CAMKMT: variants seen among roughly 807,000 people sequenced by gnomAD.
CAMKMT encodes CaM KMT.
Under a neutral mutation model 48.0 loss-of-function variants are expected in CAMKMT, and 53 were observed. The ratio of observed to expected loss-of-function variants is 1.10; its 90% CI spans 0.89 to 1.39. The LOEUF (loss-of-function observed/expected upper bound fraction) is 1.39. CAMKMT is among the 40% of genes most tolerant of loss of function. The pLI, the probability that CAMKMT is intolerant of heterozygous loss-of-function variation, is 0.00. For missense variants in CAMKMT, 428 were observed against 402.7 expected (o/e 1.06, Z -0.54); for synonymous variants, 165 against 152.3 (o/e 1.08, Z -0.61).
At chr2:44,385,197 G>A (rs564787829) in intron 2 of CAMKMT, among the ~76,000 whole-genome samples, 3 of 151,680 alleles carry the variant, frequency 2.0e-5, no homozygotes, top group East Asian at 3.9e-4. Flanking sequence ...GTCTTTTGAC[G>A]TCTTGGTTAG....
At chr2:44,739,027 G>T (rs997394473) in intron 7 of CAMKMT, among the ~76,000 whole-genome samples, 1 of 152,204 alleles carries the variant, frequency 6.6e-6, no homozygotes, top group Non-Finnish European at 1.5e-5. Context: ...GAGCAAAGAG[G>T]CCAAGGAGGA....
chr2:44,420,060 G>C (rs1683829653), intron 3 of CAMKMT, among the ~76,000 whole-genome samples: 1 of 152,100 alleles, frequency 6.6e-6, no homozygotes, highest in African/African-American at 2.4e-5. Context: ...ATACTCAGGA[G>C]AGGAAATTAC....
intron 3 of CAMKMT, among the ~76,000 whole-genome samples, chr2:44,402,804 A>T (rs1471609557): frequency 6.6e-4 from 25 of 38,082 alleles, no homozygotes; most frequent in African/African-American, 1.2e-3. Flanking sequence ...TTTTATTTCT[A>T]TTTTTACGCT....
At chr2:44,671,815 A>T (rs1287273495) in intron 3 of CAMKMT, among the ~76,000 whole-genome samples, 1 of 152,042 alleles carries the variant, frequency 6.6e-6, no homozygotes, top group Non-Finnish European at 1.5e-5. Context: ...TTGTATTTTC[A>T]TGATTTTTTG....
At chr2:44,685,984 T>A (rs1476697491) in intron 3 of CAMKMT, among the ~76,000 whole-genome samples, 1 of 152,084 alleles carries the variant, frequency 6.6e-6, no homozygotes, top group Admixed American at 6.5e-5. Context: ...GAAGATGGAA[T>A]AAAATTAAGG....
At chr2:44,490,604 A>T (rs1220764062) in intron 3 of CAMKMT, among the ~76,000 whole-genome samples, 1 of 149,786 alleles carries the variant, frequency 6.7e-6, no homozygotes, top group Non-Finnish European at 1.5e-5. Context: ...TAAAATCTCC[A>T]CATATTTATC....
intron 3 of CAMKMT, among the ~76,000 whole-genome samples, chr2:44,685,758 G>A (rs1330778034): frequency 6.6e-6 from 1 of 152,110 alleles, no homozygotes; most frequent in Non-Finnish European, 1.5e-5. Context: ...TGATATGAAA[G>A]TATTAATTGA....
At chr2:44,530,810 T>C (rs2104825986) in intron 3 of CAMKMT, among the ~76,000 whole-genome samples, 1 of 152,198 alleles carries the variant, frequency 6.6e-6, no homozygotes, top group African/African-American at 2.4e-5. Context: ...TATTGTGAAA[T>C]TTTAATTTTA....
intron 3 of CAMKMT, among the ~76,000 whole-genome samples, chr2:44,634,225 T>C (rs1177873327): frequency 6.6e-6 from 1 of 152,004 alleles, no homozygotes; most frequent in Non-Finnish European, 1.5e-5. Flanking sequence ...CTCCCTCTTC[T>C]CTGGTATTGT....
chr2:44,557,191 T>C (rs1477372497), intron 3 of CAMKMT, among the ~76,000 whole-genome samples: 2 of 152,198 alleles, frequency 1.3e-5, no homozygotes, highest in Non-Finnish European at 2.9e-5. Context: ...TGGTACTAAC[T>C]GTGTCCTCTT....
intron 3 of CAMKMT, among the ~76,000 whole-genome samples, chr2:44,608,964 A>G (rs1294178262): frequency 6.6e-6 from 1 of 152,170 alleles, no homozygotes; most frequent in African/African-American, 2.4e-5. Context: ...TTTTCTATTC[A>G]AGTAATTTAA....
intron 3 of CAMKMT, among the ~76,000 whole-genome samples, chr2:44,675,079 G>GC (rs1558788065): frequency 7.2e-6 from 1 of 139,020 alleles, no homozygotes; most frequent in Non-Finnish European, 1.6e-5. Context: ...CCAACCTTAA[G>GC]GGGGGGAAAA....
intron 3 of CAMKMT, among the ~76,000 whole-genome samples, chr2:44,395,223 A>G (rs1323975657): frequency 6.6e-6 from 1 of 152,126 alleles, no homozygotes; most frequent in African/African-American, 2.4e-5. Context: ...TTAAAATGCT[A>G]TTCTTATTCA....
intron 3 of CAMKMT, chr2:44,631,510 C>T: frequency 1.6e-6 from 1 of 620,978 alleles, no homozygotes. Context: ...CACTTTATTG[C>T]CCATGTTGGT....
At chr2:44,696,087 C>T (rs573183919) in intron 3 of CAMKMT, among the ~76,000 whole-genome samples, 223 of 152,042 alleles carry the variant, frequency 1.5e-3, no homozygotes, top group African/African-American at 4.3e-3. Flanking sequence ...GAATTATAGG[C>T]GTACACCACC....
intron 10 of CAMKMT, among the ~76,000 whole-genome samples, chr2:44,766,827 G>A (rs946338738): frequency 7.9e-5 from 12 of 152,192 alleles, no homozygotes; most frequent in Admixed American, 2.6e-4. Flanking sequence ...TAATTTGTAG[G>A]ATGTAAGGGG....
At chr2:44,693,703 G>A (rs7603731) in intron 3 of CAMKMT, among the ~76,000 whole-genome samples, 1 of 152,204 alleles carries the variant, frequency 6.6e-6, no homozygotes, top group African/African-American at 2.4e-5. Context: ...GCAGAAATGT[G>A]AGTTGGATTA....
intron 2 of CAMKMT, among the ~76,000 whole-genome samples, chr2:44,384,107 C>T (rs1286226477): frequency 6.6e-6 from 1 of 152,140 alleles, no homozygotes; most frequent in Non-Finnish European, 1.5e-5. Context: ...TAGAGGTGTT[C>T]CCTGATCACA....
chr2:44,365,906 A>G (rs1413044115), intron 1 of CAMKMT, among the ~76,000 whole-genome samples: 2 of 152,234 alleles, frequency 1.3e-5, no homozygotes, highest in African/African-American at 4.8e-5. Context: ...GTTTATATCA[A>G]AGCAGGATGC....
Sources: allele counts gnomAD v4.1 joint callset (sites outside exome capture counted in the v4.1 genomes callset), GRCh38; gene constraint gnomAD v4.1.1; transcripts MANE v1.5; gene names NCBI Gene and HGNC (gene_info 2026-07-23, HGNC 2026-07-21).